The following SH3PXD2B variants were observed in gnomAD, a reference collection of about 807,000 sequenced individuals.
SH3PXD2B encodes SH3 and PX domain-containing protein 2B.
In SH3PXD2B, 37 loss-of-function variants were observed where a neutral mutation model predicts 73.1. The ratio of observed to expected loss-of-function variants is 0.51; its 90% CI spans 0.39 to 0.67. The LOEUF is 0.67. SH3PXD2B is among the 30% of genes least tolerant of loss of function. The probability of loss-of-function intolerance (pLI) is 0.00; values close to 1 mark genes in which losing one functional copy is unlikely to be tolerated. For synonymous variants in SH3PXD2B, 457 were observed against 480.5 expected, an observed-to-expected ratio of 0.95 and a Z score of 0.64; for missense variants, 1,053 against 1,197.8, an observed-to-expected ratio of 0.88 and a Z score of 1.78.
At chr5:172,410,358 C>CT (rs528993280) in intron 2 of SH3PXD2B, among the ~76,000 whole-genome samples, 93 of 152,194 alleles carry the variant, frequency 6.1e-4, no homozygotes, top group African/African-American at 2.2e-3. Context: ...GTTCTGTTGC[C>CT]TGGTGAGGTG....
chr5:172,433,289 T>G (rs959831543), intron 1 of SH3PXD2B, among the ~76,000 whole-genome samples: 3 of 152,132 alleles, frequency 2.0e-5, no homozygotes, highest in African/African-American at 7.2e-5. Flanking sequence ...GATATTCACG[T>G]GATGAAACTG....
chr5:172,417,641 A>T (rs892049810), intron 2 of SH3PXD2B, among the ~76,000 whole-genome samples: 3 of 152,228 alleles, frequency 2.0e-5, no homozygotes, highest in African/African-American at 7.2e-5. Context: ...AAAGCCCAGG[A>T]TCTTCACCAC....
At chr5:172,403,473 C>T (rs1017880187) in intron 3 of SH3PXD2B, among the ~76,000 whole-genome samples, 1 of 144,394 alleles carries the variant, frequency 6.9e-6, no homozygotes, top group South Asian at 2.2e-4. Flanking sequence ...GTCCGGGGTC[C>T]TGGGGCCCAG....
At chr5:172,368,742 G>A (rs118195623) in intron 6 of SH3PXD2B, among the ~76,000 whole-genome samples, 3,185 of 87,532 alleles carry the variant, frequency 0.036, 125 homozygotes, top group South Asian at 0.17. Context: ...TTTAATATAT[G>A]TAATATATAT....
intron 4 of SH3PXD2B, among the ~76,000 whole-genome samples, chr5:172,387,698 T>C (rs577901440): frequency 6.6e-6 from 1 of 152,046 alleles, no homozygotes; most frequent in South Asian, 2.1e-4. Context: ...TGAGTGGCTA[T>C]TTATGAGGTG....
chr5:172,365,486 C>A (rs1160920282), intron 6 of SH3PXD2B, among the ~76,000 whole-genome samples: 1 of 152,174 alleles, frequency 6.6e-6, no homozygotes, highest in Non-Finnish European at 1.5e-5. Context: ...CTGAGGCCTG[C>A]GGGCTCTCCT....
intron 12 of SH3PXD2B, among the ~76,000 whole-genome samples, chr5:172,345,751 C>G (rs1047611652): frequency 6.6e-6 from 1 of 152,142 alleles, no homozygotes; most frequent in African/African-American, 2.4e-5. Context: ...GAAAGGCATA[C>G]AGCCAGTCAC....
intron 5 of SH3PXD2B, among the ~76,000 whole-genome samples, chr5:172,381,152 A>C (rs1757934785): frequency 6.6e-6 from 1 of 152,262 alleles, no homozygotes; most frequent in African/African-American, 2.4e-5. Flanking sequence ...GCTGCTCAGC[A>C]AACTCAGCCT....
intron 3 of SH3PXD2B, among the ~76,000 whole-genome samples, chr5:172,396,133 A>G (rs1009292205): frequency 1.3e-5 from 2 of 148,878 alleles, no homozygotes; most frequent in African/African-American, 5.0e-5. Context: ...TGGGTGGATC[A>G]CTTGAGGTCA....
chr5:172,342,225 G>A (rs1160032954), intron 12 of SH3PXD2B, among the ~76,000 whole-genome samples: 1 of 152,178 alleles, frequency 6.6e-6, no homozygotes, highest in East Asian at 1.9e-4. Context: ...CTGGTATTTT[G>A]TTATGGCAGC....
chr5:172,403,971 G>C (rs535343186), intron 3 of SH3PXD2B, among the ~76,000 whole-genome samples: 1 of 152,348 alleles, frequency 6.6e-6, no homozygotes, highest in South Asian at 2.1e-4. Flanking sequence ...GAGGTCACAG[G>C]CTAGTCTGTT....
At chr5:172,358,920 A>G (rs1264270148) in intron 7 of SH3PXD2B, 43 bp from the exon 8 acceptor site, 3 of 1,569,998 alleles carry the variant, frequency 1.9e-6, no homozygotes, top group Non-Finnish European at 2.6e-6. Flanking sequence ...TGCATCAAGC[A>G]TGAGGCCGGG....
chr5:172,429,243 G>A lies in SH3PXD2B; in HGVS notation c.76-6747C>T, dbSNP rs568869628. On this transcript the variant is annotated intron_variant, in intron 1 of 12. Transcript: ENST00000311601. ...GTCTGTAGAAAGGGACCCTGGCCAT[G>A]TTGCTGAGGTGGTCCTGCCCCCTTG... Among the ~76,000 whole-genome samples, 5 of 152,322 alleles carry A rather than the reference G, an allele frequency of 3.3e-5. No homozygotes were observed. The South Asian group carries it at 6.2e-4, about 19-fold the overall frequency.
At chr5:172,435,285 T>G (rs532924225) in intron 1 of SH3PXD2B, among the ~76,000 whole-genome samples, 2 of 152,210 alleles carry the variant, frequency 1.3e-5, no homozygotes, top group South Asian at 4.1e-4. Flanking sequence ...GTGAGTCAAT[T>G]TGAAGAATAC....
chr5:172,353,320 G>A lies in SH3PXD2B; in HGVS notation c.785+568C>T, dbSNP rs1204779184. Among the ~76,000 whole-genome samples, 1 of 152,198 alleles carries A rather than the reference G, an allele frequency of 6.6e-6. No homozygotes were observed. The highest frequency in any genetic ancestry group is 1.9e-4 in the East Asian group (1 of 5,198). On this transcript the variant is annotated intron_variant, in intron 9 of 12. Coordinates refer to ENST00000311601, the MANE Select transcript of SH3PXD2B (RefSeq NM_001017995.3). The surrounding 1 kb of genome is among the most constrained non-coding windows in gnomAD (Gnocchi z 4.3). ...GCCTATTGGGGGTGATCAAGGAGGG[G>A]TTCCCAGGACTTTCATTACTAAAAC...
intron 5 of SH3PXD2B, among the ~76,000 whole-genome samples, chr5:172,380,181 CTGAG>C (rs1424279111): frequency 3.9e-5 from 6 of 151,982 alleles, no homozygotes; most frequent in Admixed American, 1.3e-4. Context: ...TCTCAGCTTC[CTGAG>C]TATCTGGGAC....
At chr5:172,427,129 G>C (rs1759112049) in intron 1 of SH3PXD2B, among the ~76,000 whole-genome samples, 1 of 152,236 alleles carries the variant, frequency 6.6e-6, no homozygotes, top group Non-Finnish European at 1.5e-5. Context: ...TAAAGAAAAT[G>C]TGGTTTAGAC....
intron 1 of SH3PXD2B, among the ~76,000 whole-genome samples, chr5:172,443,746 G>A (rs1002970753): frequency 4.6e-5 from 7 of 152,264 alleles, no homozygotes; most frequent in African/African-American, 9.6e-5. Flanking sequence ...TGACGCCAAC[G>A]CGTGGGTTCT....
rs1414837054 is a variant in SH3PXD2B, at chr5:172,339,025, C to T, written c.2080G>A (p.Val694Met). Reference protein sequence around the residue: ...EGPQAVGGQDVAFSRSFLPGE... With the variant: ...EGPQAVGGQDMAFSRSFLPGE... The stretch of plus-strand genomic sequence containing the variant: ...GGGAGGAAGCTTCGGCTGAAGGCCA[C>T]GTCTTGGCCCCCTACTGCCTGGGGG... Residue 694 changes from valine to methionine, a missense_variant, in exon 13 of 13, where the codon GTG (valine) becomes ATG (methionine). Physicochemically the swap from Val to Met is conservative, Grantham distance 21. This residue lies in a region of SH3PXD2B where 587 missense variants were observed against 590.7 expected (regional missense o/e 0.99). Transcript: ENST00000311601. The surrounding 1 kb of genome is among the most constrained non-coding windows in gnomAD (Gnocchi z 6.1). The T allele has an allele frequency of 6.2e-6, 10 of 1,614,116 alleles. No individual in the cohort carries two copies. The highest frequency in any genetic ancestry group is 1.6e-4 in the Middle Eastern group (1 of 6,062).
Sources: gnomAD v4.1 joint callset for allele counts (sites outside exome capture counted in the v4.1 genomes callset) on GRCh38, gnomAD v4.1.1 for gene constraint, gnomAD v4.1.1 regional missense constraint, Gnocchi (gnomAD v3.1) non-coding constraint, MANE v1.5 for transcripts, NCBI Gene and HGNC (gene_info 2026-07-23, HGNC 2026-07-21) for gene names.